Variants in GRM8 observed in about 807,000 individuals in gnomAD.
GRM8 encodes metabotropic glutamate receptor 8.
In GRM8, 47 loss-of-function variants were observed where a neutral mutation model predicts 87.2. The observed-to-expected ratio is 0.54, with a 90% CI of 0.43 to 0.69. GRM8 has a LOEUF of 0.69. Ranked by LOEUF, GRM8 falls within the 30% of genes least tolerant of loss-of-function variation. The probability of loss-of-function intolerance (pLI) is 0.00; values close to 1 mark genes in which losing one functional copy is unlikely to be tolerated. For synonymous variants in GRM8, 396 were observed against 404.5 expected (o/e 0.98, Z 0.25); for missense variants, 1,019 against 1,139.2 (o/e 0.89, Z 1.52).
intron 6 of GRM8, among the ~76,000 whole-genome samples, chr7:126,797,250 C>T (rs530832789): frequency 8.5e-5 from 13 of 152,144 alleles, no homozygotes; most frequent in Non-Finnish European, 1.8e-4. Context: ...AGAGTTACCA[C>T]GCTAAACCTC....
intron 3 of GRM8, among the ~76,000 whole-genome samples, chr7:127,022,200 T>A (rs1816340712): frequency 1.3e-5 from 2 of 151,838 alleles, no homozygotes; most frequent in Non-Finnish European, 2.9e-5. Context: ...CAAATTTTAT[T>A]ATGGCAGCAC....
chr7:126,729,509 C>T (rs1411081442), intron 7 of GRM8, among the ~76,000 whole-genome samples: 1 of 152,140 alleles, frequency 6.6e-6, no homozygotes, highest in Non-Finnish European at 1.5e-5. Context: ...TAATATATTT[C>T]TTCTCCTTTC....
chr7:127,101,175 A>C (rs1013272109), intron 3 of GRM8, among the ~76,000 whole-genome samples: 3 of 152,076 alleles, frequency 2.0e-5, no homozygotes, highest in Admixed American at 6.5e-5. Context: ...CATAGACTTC[A>C]CCTCACAAAT....
chr7:126,459,196 T>C (rs891398739), intron 9 of GRM8, among the ~76,000 whole-genome samples: 2 of 151,320 alleles, frequency 1.3e-5, no homozygotes, highest in African/African-American at 4.8e-5. Flanking sequence ...AAAAGCAAAT[T>C]TTGCATAACT....
chr7:126,770,565 C>A (rs946290858), intron 6 of GRM8, among the ~76,000 whole-genome samples: 2 of 151,932 alleles, frequency 1.3e-5, no homozygotes, highest in South Asian at 4.2e-4. Context: ...TTAAGTGACC[C>A]TGGTTATCTT....
intron 7 of GRM8, among the ~76,000 whole-genome samples, chr7:126,741,674 T>C (rs1407138002): frequency 6.6e-6 from 1 of 152,116 alleles, no homozygotes; most frequent in East Asian, 1.9e-4. Context: ...CCTAGCTTTG[T>C]TATTTACGAT....
intron 6 of GRM8, among the ~76,000 whole-genome samples, chr7:126,802,094 A>G (rs940313986): frequency 1.3e-5 from 2 of 152,176 alleles, no homozygotes; most frequent in African/African-American, 4.8e-5. Flanking sequence ...GGTGTACAAA[A>G]TGATGTTTTG....
intron 7 of GRM8, among the ~76,000 whole-genome samples, chr7:126,636,950 TG>T (rs1463425407): frequency 6.6e-6 from 1 of 152,068 alleles, no homozygotes; most frequent in Non-Finnish European, 1.5e-5. Context: ...TCAATAGCAA[TG>T]ATGTTATTAA....
At chr7:126,440,410 C>CAAAAAAA (rs35828454) in intron 10 of GRM8, among the ~76,000 whole-genome samples, 1 of 75,416 alleles carries the variant, frequency 1.3e-5, no homozygotes, top group Non-Finnish European at 2.4e-5. Flanking sequence ...GACTCCATCT[C>CAAAAAAA]AAAAAAAAAA....
intron 6 of GRM8, among the ~76,000 whole-genome samples, chr7:126,788,934 T>C (rs1415172948): frequency 1.3e-5 from 2 of 152,160 alleles, no homozygotes; most frequent in East Asian, 1.9e-4. Flanking sequence ...TGAAATCTTA[T>C]AACATATGGC....
rs1803518700 is a variant in GRM8 at position 126,649,249 on chromosome 7, A to G, written c.1358-39751T>C. Among the ~76,000 whole-genome samples, 4 of 152,240 alleles carry G rather than the reference A, an allele frequency of 2.6e-5. No homozygotes were observed. The South Asian group carries it at 6.2e-4, about 24-fold the overall frequency. On this transcript the variant is annotated intron_variant, in intron 7 of 10. Coordinates refer to ENST00000339582, the MANE Select transcript of GRM8 (RefSeq NM_000845.3). ...TGTTGCCAAAGGAGATTAACATTGA[A>G]TCAGTGGGCTGTGAAAGGCAGACCC...
At chr7:126,773,253 T>C (rs1819054807) in intron 6 of GRM8, among the ~76,000 whole-genome samples, 1 of 152,126 alleles carries the variant, frequency 6.6e-6, no homozygotes, top group African/African-American at 2.4e-5. Flanking sequence ...AATCTAATTA[T>C]TTTTTATTTT....
At chr7:126,959,005 C>T (rs1809034400) in intron 3 of GRM8, among the ~76,000 whole-genome samples, 1 of 152,140 alleles carries the variant, frequency 6.6e-6, no homozygotes, top group African/African-American at 2.4e-5. Context: ...CTCTAACAAG[C>T]TTCAGAAACA....
intron 9 of GRM8, among the ~76,000 whole-genome samples, chr7:126,484,273 A>T (rs1253710287): frequency 6.6e-6 from 1 of 152,100 alleles, no homozygotes; most frequent in African/African-American, 2.4e-5. Flanking sequence ...ACTGCAGGGC[A>T]GCCTTTGGCA....
At chr7:127,201,170 G>A (rs1795565653) in intron 2 of GRM8, among the ~76,000 whole-genome samples, 1 of 152,184 alleles carries the variant, frequency 6.6e-6, no homozygotes, top group South Asian at 2.1e-4. Flanking sequence ...ATAAAGTGAG[G>A]GAGAAGGGAA....
chr7:126,764,774 A>G (rs1818010222), intron 7 of GRM8, among the ~76,000 whole-genome samples: 2 of 152,052 alleles, frequency 1.3e-5, no homozygotes, highest in Admixed American at 6.6e-5. Flanking sequence ...CCCCAATACA[A>G]GGGTTTGCAT....
intron 7 of GRM8, among the ~76,000 whole-genome samples, chr7:126,719,464 C>G (rs1394840332): frequency 6.6e-6 from 1 of 152,114 alleles, no homozygotes; most frequent in Non-Finnish European, 1.5e-5. Flanking sequence ...AGGTCTGGTT[C>G]AGGTATTGTA....
chr7:126,812,068 C>T lies in GRM8; in HGVS notation c.1157-42003G>A, dbSNP rs534524260. Among the ~76,000 whole-genome samples the T allele has an allele frequency of 7.9e-5, 12 of 151,908 alleles. No homozygotes were observed. The East Asian group carries it at 9.6e-4, about 12-fold the overall frequency. On this transcript the variant is annotated intron_variant, in intron 6 of 10. Coordinates refer to ENST00000339582, the MANE Select transcript of GRM8 (RefSeq NM_000845.3). ...AAGGATACACTAAAAACCCTGAGTT[C>T]GCCACTATGCAATATATCCATGTAA...
intron 3 of GRM8, among the ~76,000 whole-genome samples, chr7:126,983,045 C>A (rs1048614810): frequency 6.6e-6 from 1 of 152,150 alleles, no homozygotes; most frequent in African/African-American, 2.4e-5. Flanking sequence ...GGGTCAATCA[C>A]CCCAGACAGC....
Sources: allele counts gnomAD v4.1 joint callset (sites outside exome capture counted in the v4.1 genomes callset), GRCh38; gene constraint gnomAD v4.1.1; transcripts MANE v1.5; gene names NCBI Gene and HGNC (gene_info 2026-07-23, HGNC 2026-07-21).